Variants in CCBE1 observed in about 807,000 individuals in gnomAD.
CCBE1 encodes the protein collagen and calcium binding EGF domains 1.
CCBE1 carries 37 observed loss-of-function variants against 50.0 expected under a neutral mutation model. The ratio of observed to expected loss-of-function variants is 0.74; its 90% CI spans 0.57 to 0.97. CCBE1 has a LOEUF of 0.97. CCBE1 is among the 50% of genes least tolerant of loss of function. The pLI, the probability that CCBE1 is intolerant of heterozygous loss-of-function variation, is 0.00. For missense variants in CCBE1, 538 were observed against 523.8 expected (o/e 1.03, Z -0.26); for synonymous variants, 234 against 203.7 (o/e 1.15, Z -1.27).
chr18:59,469,675 A>C (rs1911935717), intron 3 of CCBE1, 68 bp from the exon 4 acceptor site: 1 of 1,605,538 alleles, frequency 6.2e-7, no homozygotes, highest in Non-Finnish European at 8.5e-7. Context: ...CCTGGCCTGG[A>C]AAGGACTTTC....
chr18:59,485,724 C>A (rs1912789843), intron 2 of CCBE1, among the ~76,000 whole-genome samples: 1 of 151,940 alleles, frequency 6.6e-6, no homozygotes, highest in Non-Finnish European at 1.5e-5. Flanking sequence ...GATTCTCCTG[C>A]ATCAGTATCC....
At chr18:59,558,185 A>G (rs573588669) in intron 2 of CCBE1, among the ~76,000 whole-genome samples, 2 of 152,328 alleles carry the variant, frequency 1.3e-5, no homozygotes, top group South Asian at 4.1e-4. Context: ...AGGGAACATA[A>G]TTTTACACAG....
At chr18:59,470,993 A>G (rs598923) in intron 3 of CCBE1, among the ~76,000 whole-genome samples, 67,777 of 152,122 alleles carry the variant, frequency 0.45, 15,233 homozygotes, top group South Asian at 0.51. Flanking sequence ...CCAACCCTGC[A>G]AACTGTCTCT....
At chr18:59,680,870 A>G (rs2054580525) in intron 2 of CCBE1, among the ~76,000 whole-genome samples, 1 of 152,128 alleles carries the variant, frequency 6.6e-6, no homozygotes, top group South Asian at 2.1e-4. Context: ...CAAGCAGGAG[A>G]AAGAAGGAAT....
intron 2 of CCBE1, among the ~76,000 whole-genome samples, chr18:59,598,231 G>A (rs919801525): frequency 6.6e-6 from 1 of 152,186 alleles, no homozygotes; most frequent in Non-Finnish European, 1.5e-5. Context: ...AAAGCTTGAA[G>A]TAGTGGGGAC....
At chr18:59,638,089 C>T (rs991341183) in intron 2 of CCBE1, among the ~76,000 whole-genome samples, 1 of 152,140 alleles carries the variant, frequency 6.6e-6, no homozygotes, top group Admixed American at 6.5e-5. Context: ...AACTGTTTCT[C>T]ACCATGTACA....
chr18:59,682,466 T>C (rs190835461), intron 2 of CCBE1, among the ~76,000 whole-genome samples: 1 of 152,364 alleles, frequency 6.6e-6, no homozygotes, highest in African/African-American at 2.4e-5. Flanking sequence ...ATTTCAAGTA[T>C]ATCAAGATTA....
intron 2 of CCBE1, among the ~76,000 whole-genome samples, chr18:59,509,775 T>G (rs1914049521): frequency 6.6e-6 from 1 of 152,120 alleles, no homozygotes; most frequent in South Asian, 2.1e-4. Context: ...GAGGGCTTCT[T>G]CCCTCTAAAA....
chr18:59,666,685 G>A lies in CCBE1; in HGVS notation c.212+29944C>T, dbSNP rs193295854. On this transcript the variant is annotated intron_variant, in intron 2 of 10. Transcript: ENST00000439986. ...AGGCACATTTTTAAAGTTACAAGGA[G>A]ACTGGGCGTGGTGGCTCATGCCTGT... 3.1e-4 allele frequency among the ~76,000 whole-genome samples: 47 copies of A among 152,250 alleles called. 1 individual carries two copies. Among genetic ancestry groups the A allele is most frequent in the Non-Finnish European group, 3.5e-4 (24 of 68,008 alleles).
chr18:59,605,643 G>A (rs1299669739), intron 2 of CCBE1, among the ~76,000 whole-genome samples: 1 of 152,024 alleles, frequency 6.6e-6, no homozygotes, highest in African/African-American at 2.4e-5. Flanking sequence ...GAGCCTCTTT[G>A]ACCTCTCAAA....
At chr18:59,503,245 G>C (rs1261291591) in intron 2 of CCBE1, among the ~76,000 whole-genome samples, 2 of 152,218 alleles carry the variant, frequency 1.3e-5, no homozygotes, top group Non-Finnish European at 2.9e-5. Context: ...GAAATCTGGG[G>C]ACAGTTCCGC....
chr18:59,618,487 C>T (rs1029363712), intron 2 of CCBE1, among the ~76,000 whole-genome samples: 8 of 149,912 alleles, frequency 5.3e-5, no homozygotes, highest in East Asian at 2.0e-4. Context: ...CAGACTGGAG[C>T]GCAGTGGCAC....
intron 2 of CCBE1, among the ~76,000 whole-genome samples, chr18:59,557,418 G>A (rs537869553): frequency 1.3e-5 from 2 of 152,032 alleles, no homozygotes; most frequent in Non-Finnish European, 2.9e-5. Context: ...ACTTCAGGCC[G>A]ATTCTCACTG....
At chr18:59,640,947 A>G (rs1406347059) in intron 2 of CCBE1, among the ~76,000 whole-genome samples, 1 of 152,144 alleles carries the variant, frequency 6.6e-6, no homozygotes, top group East Asian at 1.9e-4. Context: ...ACCGTCTCGT[A>G]CCAGTCAGAA....
chr18:59,644,209 T>G (rs993953719), intron 2 of CCBE1, among the ~76,000 whole-genome samples: 2 of 152,204 alleles, frequency 1.3e-5, no homozygotes, highest in Non-Finnish European at 2.9e-5. Flanking sequence ...CCTGCCACCA[T>G]GAGAATCTAA....
chr18:59,491,834 A>ACAAATAAACAAAC lies in CCBE1; in HGVS notation c.213-11597_213-11596insGTTTGTTTATTTG, dbSNP rs771519589. Among the ~76,000 whole-genome samples, 495 of 138,936 alleles carry ACAAATAAACAAAC rather than the reference A, an allele frequency of 3.6e-3. 4 individuals are homozygous for ACAAATAAACAAAC. The highest frequency in any genetic ancestry group is 7.0e-3 in the Middle Eastern group (2 of 284). 91.1% of individuals were successfully genotyped at this position (138,936 alleles called of 152,430 possible). ...TGTCTCCAAACAAACAAACAAACAA[A>ACAAATAAACAAAC]CAAAAAAAAACGTTTCATGGTCTAT... On this transcript the variant is annotated intron_variant, in intron 2 of 10. Transcript: ENST00000439986.
chr18:59,631,028 T>C (rs1161587599), intron 2 of CCBE1, among the ~76,000 whole-genome samples: 1 of 152,176 alleles, frequency 6.6e-6, no homozygotes, highest in African/African-American at 2.4e-5. Flanking sequence ...ATTTTGGAAA[T>C]GGTACTTCCA....
chr18:59,642,232 C>T (rs931154466), intron 2 of CCBE1, among the ~76,000 whole-genome samples: 3 of 152,074 alleles, frequency 2.0e-5, no homozygotes, highest in Non-Finnish European at 4.4e-5. Flanking sequence ...GGTCCATTAA[C>T]TCAAAAAGAT....
intron 2 of CCBE1, among the ~76,000 whole-genome samples, chr18:59,665,005 C>T (rs1001626338): frequency 6.6e-6 from 1 of 152,078 alleles, no homozygotes; most frequent in Non-Finnish European, 1.5e-5. Flanking sequence ...TTGTGTAAGT[C>T]TGGTAGCAAA....
Sources: allele counts gnomAD v4.1 joint callset (sites outside exome capture counted in the v4.1 genomes callset), GRCh38; gene constraint gnomAD v4.1.1; transcripts MANE v1.5; gene names NCBI Gene and HGNC (gene_info 2026-07-23, HGNC 2026-07-21).